The following NRXN3 variants were observed in gnomAD, a reference collection of about 807,000 sequenced individuals.
The protein encoded by NRXN3 is neurexin III.
NRXN3 carries 32 observed loss-of-function variants against 137.6 expected under a neutral mutation model. That is an observed-to-expected ratio of 0.23 (90% CI 0.18 to 0.31). NRXN3 has a LOEUF of 0.31. Ranked by LOEUF, NRXN3 falls within the 10% of genes least tolerant of loss-of-function variation. NRXN3 has a pLI of 1.00. For synonymous variants in NRXN3, 798 were observed against 784.5 expected, an observed-to-expected ratio of 1.02 and a Z score of -0.29; for missense variants, 1,574 against 2,062.5, an observed-to-expected ratio of 0.76 and a Z score of 4.59.
chr14:78,795,593 T>G lies in NRXN3; in HGVS notation c.2045-8027T>G, dbSNP rs1380390018. Among the ~76,000 whole-genome samples the G allele has an allele frequency of 1.4e-5, 2 of 138,394 alleles. 1 individual carries two copies. The highest frequency in any genetic ancestry group is 5.3e-5 in the African/African-American group (2 of 37,932). The allele number at this position is 138,394 out of a possible 152,430, so 90.8% of individuals were successfully genotyped here. A position where few individuals can be genotyped will look rare whatever the true frequency, so the allele number is the denominator to read the frequency against. The stretch of plus-strand genomic sequence containing the variant: ...TGATTAAATAAAATTAATTATATCC[T>G]CTAGAAATAGAAATGGGCTTACTAT... On this transcript the variant is annotated intron_variant, in intron 8 of 20. Coordinates refer to ENST00000335750, the MANE Select transcript of NRXN3 (RefSeq NM_001330195.2).
intron 15 of NRXN3, among the ~76,000 whole-genome samples, chr14:79,354,056 A>G (rs2093330733): frequency 6.6e-6 from 1 of 152,126 alleles, no homozygotes; most frequent in Non-Finnish European, 1.5e-5. Context: ...CAAGATTATA[A>G]TGTTTTCCGA....
chr14:79,196,943 T>C (rs1400826557), intron 15 of NRXN3, among the ~76,000 whole-genome samples: 8 of 152,186 alleles, frequency 5.3e-5, no homozygotes, highest in Non-Finnish European at 1.0e-4. Context: ...ACTGGCTAAA[T>C]GGCTCCACTA....
chr14:79,246,562 T>TA (rs1235104208), intron 15 of NRXN3: 2 of 152,180 alleles, frequency 1.3e-5, no homozygotes, highest in Non-Finnish European at 2.9e-5. Flanking sequence ...AGCCTTTTTT[T>TA]AACACACACA....
chr14:79,253,839 A>G (rs575868136), intron 15 of NRXN3, among the ~76,000 whole-genome samples: 1 of 152,324 alleles, frequency 6.6e-6, no homozygotes, highest in Admixed American at 6.5e-5. Context: ...GGAAATTACA[A>G]TTTGAGATGA....
At chr14:78,500,511 G>A (rs1378300620) in intron 4 of NRXN3, among the ~76,000 whole-genome samples, 2 of 152,054 alleles carry the variant, frequency 1.3e-5, no homozygotes, top group Non-Finnish European at 2.9e-5. Context: ...TAAAAAAGTG[G>A]GGATGATTAG....
chr14:78,360,941 A>G (rs376797218), intron 4 of NRXN3, among the ~76,000 whole-genome samples: 1 of 152,168 alleles, frequency 6.6e-6, no homozygotes, highest in African/African-American at 2.4e-5. Flanking sequence ...CCACTGAGGT[A>G]TATGTCATCC....
chr14:79,098,931 A>C (rs1315864011), intron 15 of NRXN3, among the ~76,000 whole-genome samples: 1 of 152,220 alleles, frequency 6.6e-6, no homozygotes, highest in Non-Finnish European at 1.5e-5. Flanking sequence ...AGTTCTCCTT[A>C]GGTCTCATTG....
chr14:78,573,708 CT>C (rs2096910372), intron 4 of NRXN3, among the ~76,000 whole-genome samples: 2 of 152,030 alleles, frequency 1.3e-5, no homozygotes, highest in Non-Finnish European at 2.9e-5. Context: ...GGAATTGGAA[CT>C]TATATTTAAA....
At chr14:79,012,429 G>T (rs2099572766) in intron 15 of NRXN3, among the ~76,000 whole-genome samples, 1 of 152,178 alleles carries the variant, frequency 6.6e-6, no homozygotes, top group Non-Finnish European at 1.5e-5. Flanking sequence ...TAGGCCCATG[G>T]TGATTATGGA....
At chr14:78,573,650 G>C (rs964229233) in intron 4 of NRXN3, among the ~76,000 whole-genome samples, 1 of 152,114 alleles carries the variant, frequency 6.6e-6, no homozygotes, top group Non-Finnish European at 1.5e-5. Context: ...AGGTGACTTG[G>C]GTGTTCTTAA....
intron 14 of NRXN3, among the ~76,000 whole-genome samples, chr14:78,976,105 A>G (rs2099464966): frequency 6.6e-6 from 1 of 152,198 alleles, no homozygotes; most frequent in Non-Finnish European, 1.5e-5. Flanking sequence ...ATTTCCTAAA[A>G]GCCTATTCAT....
chr14:79,400,903 A>C (rs1218953755), intron 15 of NRXN3, among the ~76,000 whole-genome samples: 3 of 152,118 alleles, frequency 2.0e-5, no homozygotes, highest in Admixed American at 6.6e-5. Context: ...TTGTGTTCCT[A>C]ACTTATGAGC....
At chr14:78,924,207 C>T (rs2099278695) in intron 10 of NRXN3, among the ~76,000 whole-genome samples, 1 of 152,192 alleles carries the variant, frequency 6.6e-6, no homozygotes, top group South Asian at 2.1e-4. Context: ...CGAGATCGTG[C>T]CATTGCACTC....
rs537293939 is a variant in NRXN3 at position 78,226,239 on chromosome 14, G to A, written c.-703-16152G>A. ...AGGATGATCTCGATCTTCTGACCTC[G>A]TGATCCACTCACCTTCACATCCCAA... is the stretch of plus-strand genomic sequence containing the variant. On this transcript the variant is annotated intron_variant, in intron 1 of 20. Coordinates refer to ENST00000335750, the MANE Select transcript of NRXN3 (RefSeq NM_001330195.2). Among the ~76,000 whole-genome samples the A allele has an allele frequency of 1.3e-4, 20 of 152,174 alleles. No homozygotes were observed. The East Asian group carries it at 1.4e-3, about 10-fold the overall frequency.
chr14:78,701,872 T>C (rs12895282), intron 6 of NRXN3, among the ~76,000 whole-genome samples: 36,090 of 152,184 alleles, frequency 0.24, 4,553 homozygotes, highest in Middle Eastern at 0.36. Flanking sequence ...TTAGTGTTTT[T>C]GTCTTTGGCA....
At chr14:79,543,838 C>G (rs2097295785) in intron 16 of NRXN3, among the ~76,000 whole-genome samples, 2 of 152,098 alleles carry the variant, frequency 1.3e-5, no homozygotes. Context: ...TTAGAGTTGT[C>G]AGCTTTTCAA....
At chr14:79,668,308 A>G (rs1214315122) in intron 17 of NRXN3, among the ~76,000 whole-genome samples, 3 of 152,126 alleles carry the variant, frequency 2.0e-5, no homozygotes, top group African/African-American at 7.2e-5. Flanking sequence ...AAACATTGCT[A>G]TAGTACTTAT....
chr14:78,927,003 A>G (rs2099306949), intron 10 of NRXN3, among the ~76,000 whole-genome samples: 1 of 101,914 alleles, frequency 9.8e-6, no homozygotes, highest in South Asian at 2.6e-4. Flanking sequence ...TATATAATAT[A>G]TATATGCCAA....
chr14:79,362,119 C>A (rs986504548), intron 15 of NRXN3, among the ~76,000 whole-genome samples: 1 of 149,738 alleles, frequency 6.7e-6, no homozygotes, highest in East Asian at 2.0e-4. Context: ...GCCACCATGC[C>A]CAGCTAATTT....
Sources: allele counts gnomAD v4.1 joint callset (sites outside exome capture counted in the v4.1 genomes callset), GRCh38; gene constraint gnomAD v4.1.1; transcripts MANE v1.5; gene names NCBI Gene and HGNC (gene_info 2026-07-23, HGNC 2026-07-21).